Variants in TEAD1 observed in about 807,000 individuals in gnomAD.
The protein encoded by TEAD1 is transcriptional enhancer factor TEF-1.
In TEAD1, 9 loss-of-function variants were observed where a neutral mutation model predicts 54.9. That is an observed-to-expected ratio of 0.16 (90% confidence interval 0.10 to 0.29). The LOEUF is 0.29. TEAD1 is among the 10% of genes least tolerant of loss of function. The pLI is 1.00. For synonymous variants in TEAD1, 200 were observed against 187.8 expected (o/e 1.07, Z -0.53); for missense variants, 387 against 535.9 (o/e 0.72, Z 2.74).
intron 3 of TEAD1, among the ~76,000 whole-genome samples, chr11:12,857,046 C>A (rs1947398304): frequency 6.6e-6 from 1 of 152,176 alleles, no homozygotes; most frequent in South Asian, 2.1e-4. Context: ...GTTAACCAGT[C>A]TTCTATCTGG....
chr11:12,892,407 A>C (rs1948214709), intron 9 of TEAD1, among the ~76,000 whole-genome samples: 1 of 152,284 alleles, frequency 6.6e-6, no homozygotes, highest in Admixed American at 6.5e-5. Flanking sequence ...TGGGAGGCCA[A>C]GCAAGGCGTG....
At chr11:12,931,778 T>C (rs1374329991) in intron 12 of TEAD1, among the ~76,000 whole-genome samples, 1 of 151,440 alleles carries the variant, frequency 6.6e-6, no homozygotes, top group Middle Eastern at 3.4e-3. Flanking sequence ...CACCATTGTA[T>C]AAAAAAAAAT....
At position 12,744,875 on chromosome 11, in the gene TEAD1, A is replaced by T. The variant is rs188997329; in HGVS notation, c.-54-19304A>T. ...TCGCGTTGAGGCACCTGGCTCCCCCAGGCTTCCAGACTGCACGGGTTCTGA... is the reference window on the plus strand; with the variant it reads ...TCGCGTTGAGGCACCTGGCTCCCCCTGGCTTCCAGACTGCACGGGTTCTGA... On this transcript the variant is annotated intron_variant, in intron 2 of 12. Coordinates refer to ENST00000527636, the MANE Select transcript of TEAD1 (RefSeq NM_021961.6). Among the ~76,000 whole-genome samples, 82 of 152,258 alleles carry T rather than the reference A, an allele frequency of 5.4e-4. No individual in the cohort carries two copies. In the East Asian group the frequency reaches 0.011, roughly 20 times the overall value.
chr11:12,715,880 A>G (rs1016931780), intron 2 of TEAD1, among the ~76,000 whole-genome samples: 3 of 152,092 alleles, frequency 2.0e-5, no homozygotes, highest in South Asian at 4.2e-4. Flanking sequence ...GAATCTAGCA[A>G]TCTCACCTCT....
rs1055780239 is a variant in TEAD1 at position 12,719,961 on chromosome 11, T to G, written c.-54-44218T>G. Among the ~76,000 whole-genome samples the G allele has an allele frequency of 3.9e-4, 15 of 38,580 alleles. No homozygotes were observed. The East Asian group carries it at 6.1e-3, about 16-fold the overall frequency. 25.3% of individuals were successfully genotyped at this position (38,580 alleles called of 152,430 possible). A position where few individuals can be genotyped will look rare whatever the true frequency, so the allele number is the denominator to read the frequency against. On this transcript the variant is annotated intron_variant, in intron 2 of 12. Transcript: ENST00000527636. ...TTGGAAATCTAATGTTTTTTTTTTTTTTTTTTTTTTTTTTTTTTTTTTTTT... is the reference window on the plus strand; with the variant it reads ...TTGGAAATCTAATGTTTTTTTTTTTGTTTTTTTTTTTTTTTTTTTTTTTTT...
chr11:12,814,253 C>T (rs1590177022), intron 3 of TEAD1, among the ~76,000 whole-genome samples: 1 of 152,178 alleles, frequency 6.6e-6, no homozygotes, highest in Non-Finnish European at 1.5e-5. Flanking sequence ...GGAGTTCAAG[C>T]GAGCCTCTGT....
intron 2 of TEAD1, among the ~76,000 whole-genome samples, chr11:12,692,410 C>T (rs1256269205): frequency 1.3e-5 from 2 of 152,174 alleles, no homozygotes; most frequent in African/African-American, 2.4e-5. Context: ...GTGAATAGTC[C>T]TGAAATTATC....
intron 3 of TEAD1, among the ~76,000 whole-genome samples, chr11:12,779,404 A>G (rs1432096245): frequency 2.0e-5 from 3 of 152,166 alleles, no homozygotes; most frequent in Non-Finnish European, 4.4e-5. Context: ...AGGGTTGGGA[A>G]TAAGGGTTGT....
chr11:12,915,591 TAA>T (rs1948697266), intron 10 of TEAD1, among the ~76,000 whole-genome samples: 1 of 152,246 alleles, frequency 6.6e-6, no homozygotes, highest in Admixed American at 6.5e-5. Context: ...CCCACGCGTA[TAA>T]TCCCAGCACT....
At chr11:12,716,839 G>A (rs1313895903) in intron 2 of TEAD1, among the ~76,000 whole-genome samples, 1 of 152,248 alleles carries the variant, frequency 6.6e-6, no homozygotes, top group African/African-American at 2.4e-5. Context: ...GCCATGGTTT[G>A]CCAGCCCTCT....
chr11:12,688,399 T>C (rs1206825215), intron 2 of TEAD1, among the ~76,000 whole-genome samples: 1 of 152,226 alleles, frequency 6.6e-6, no homozygotes, highest in African/African-American at 2.4e-5. Context: ...TCCTCCTGTC[T>C]ACCTGTTTCT....
Position 12,941,687 on chromosome 11 carries a change from C to A in TEAD1, c.*4465C>A, listed in dbSNP as rs1485359476. The A allele has an allele frequency of 1.3e-5, 2 of 152,582 alleles. No homozygotes were observed. The highest frequency in any genetic ancestry group is 3.9e-4 in the East Asian group (2 of 5,194). The allele number at this position is 152,582 out of a possible 1,614,324, so 9.5% of individuals were successfully genotyped here. A position where few individuals can be genotyped will look rare whatever the true frequency, so the allele number is the denominator to read the frequency against. Reference sequence around the variant, plus strand: ...TGCTTATTTCTTTATGTTGGTGTTTCTGTGGCAAAGCCCTGCACATGGCAT... The same window carrying A: ...TGCTTATTTCTTTATGTTGGTGTTTATGTGGCAAAGCCCTGCACATGGCAT... On this transcript the variant is annotated 3_prime_UTR_variant, in exon 13 of 13. Transcript: ENST00000527636.
chr11:12,727,841 T>A (rs1590089920), intron 2 of TEAD1, among the ~76,000 whole-genome samples: 1 of 152,188 alleles, frequency 6.6e-6, no homozygotes, highest in East Asian at 1.9e-4. Context: ...GCTTTCATAG[T>A]CCTTGTTCCT....
intron 9 of TEAD1, among the ~76,000 whole-genome samples, chr11:12,899,438 G>A (rs564478045): frequency 6.6e-6 from 1 of 152,126 alleles, no homozygotes; most frequent in East Asian, 1.9e-4. Context: ...AAGACTAGAA[G>A]CTTCTTAGCA....
chr11:12,837,709 C>CTTCTCCT (rs60351293), intron 3 of TEAD1, among the ~76,000 whole-genome samples: 39,582 of 146,332 alleles, frequency 0.27, 5,901 homozygotes, highest in South Asian at 0.46. Flanking sequence ...TCCCTTCTCC[C>CTTCTCCT]TTCTCCTTCT....
intron 2 of TEAD1, among the ~76,000 whole-genome samples, chr11:12,721,054 T>A (rs555683193): frequency 6.6e-6 from 1 of 152,378 alleles, no homozygotes; most frequent in South Asian, 2.1e-4. Flanking sequence ...CATGTTTGAC[T>A]ACCCTGTGTT....
chr11:12,738,127 C>T (rs937233712), intron 2 of TEAD1, among the ~76,000 whole-genome samples: 4 of 152,096 alleles, frequency 2.6e-5, no homozygotes, highest in African/African-American at 9.7e-5. Context: ...ATTATGGGAG[C>T]TACGATTCAA....
chr11:12,898,555 C>T (rs563974556), intron 9 of TEAD1, among the ~76,000 whole-genome samples: 17 of 151,738 alleles, frequency 1.1e-4, no homozygotes, highest in African/African-American at 2.4e-4. Flanking sequence ...CCACCACACC[C>T]GGCTAATTTT....
intron 2 of TEAD1, among the ~76,000 whole-genome samples, chr11:12,752,222 T>TTC (rs1398743458): frequency 4.6e-5 from 7 of 151,424 alleles, no homozygotes; most frequent in Admixed American, 3.3e-4. Context: ...AGTTTTTTTT[T>TTC]TTTTTTTTTT....
Sources: gnomAD v4.1 joint callset for allele counts (sites outside exome capture counted in the v4.1 genomes callset) on GRCh38, gnomAD v4.1.1 for gene constraint, MANE v1.5 for transcripts, NCBI Gene and HGNC (gene_info 2026-07-23, HGNC 2026-07-21) for gene names.